The following TRPC7 variants were observed in gnomAD, a reference collection of about 807,000 sequenced individuals.
TRPC7 encodes short transient receptor potential channel 7.
Under a neutral mutation model 90.1 loss-of-function variants are expected in TRPC7, and 42 were observed. That is an observed-to-expected ratio of 0.47 (90% CI 0.36 to 0.60). TRPC7 has a LOEUF of 0.60. Ranked by LOEUF, TRPC7 falls within the 20% of genes least tolerant of loss-of-function variation. The probability of loss-of-function intolerance (pLI) is 0.00; values close to 1 mark genes in which losing one functional copy is unlikely to be tolerated. For missense variants in TRPC7, 955 were observed against 1,112.3 expected, an observed-to-expected ratio of 0.86 and a Z score of 2.01; for synonymous variants, 451 against 436.3, an observed-to-expected ratio of 1.03 and a Z score of -0.42.
chr5:136,274,595 G>T, intron 4 of TRPC7, 78 bp downstream of exon 4: 1 of 1,353,406 alleles, frequency 7.4e-7, no homozygotes, highest in South Asian at 2.3e-5. Context: ...CTGCTAATTT[G>T]AACAAAATGG....
Position 136,226,147 on chromosome 5 carries a change from A to C in TRPC7, c.2149T>G (p.Ser717Ala). The C allele has an allele frequency of 6.3e-7, 1 of 1,577,174 alleles. No individual in the cohort carries two copies. The highest frequency in any genetic ancestry group is 8.6e-7 in the Non-Finnish European group (1 of 1,159,342). ...ATTCTCATTATGAGATAATAAAATG[A>C]TTTAGGACTTGGCACTAGATTAAAA... ...APFNLVPSPK[S>A]FYYLIMRIKM... is the part of the protein sequence containing the mutation. The change falls in exon 9 of 12, where the codon TCA (serine) becomes GCA (alanine). Residue 717 changes from serine (S) to alanine (A), a missense_variant. By Grantham distance (99) the Ser-to-Ala change is moderately conservative. Coordinates refer to ENST00000513104, the MANE Select transcript of TRPC7 (RefSeq NM_020389.3).
intron 10 of TRPC7, among the ~76,000 whole-genome samples, chr5:136,225,012 A>C (rs1025564855): frequency 6.6e-6 from 1 of 152,182 alleles, no homozygotes; most frequent in Non-Finnish European, 1.5e-5. Flanking sequence ...GTTTGAGGGC[A>C]TACACTTATC....
intron 7 of TRPC7, among the ~76,000 whole-genome samples, chr5:136,241,952 G>A (rs556909788): frequency 6.6e-6 from 1 of 152,098 alleles, no homozygotes; most frequent in African/African-American, 2.4e-5. Context: ...CAAGAGTGCT[G>A]GGACCCCAAG....
At chr5:136,362,468 A>C (rs561399408) in intron 1 of TRPC7, among the ~76,000 whole-genome samples, 1 of 152,350 alleles carries the variant, frequency 6.6e-6, no homozygotes, top group Admixed American at 6.5e-5. Flanking sequence ...AGGTAAGTAC[A>C]TAAATCATTA....
intron 3 of TRPC7, among the ~76,000 whole-genome samples, chr5:136,299,320 TTC>T (rs1180586071): frequency 2.2e-5 from 3 of 137,140 alleles, no homozygotes; most frequent in South Asian, 2.3e-4. Flanking sequence ...AAAAAGAAAT[TTC>T]TCTGACTGGG....
chr5:136,345,691 C>T (rs1759984979), intron 2 of TRPC7, among the ~76,000 whole-genome samples: 1 of 152,166 alleles, frequency 6.6e-6, no homozygotes, highest in African/African-American at 2.4e-5. Flanking sequence ...TGTGCTGAAG[C>T]TCTTTAGTTT....
intron 1 of TRPC7, among the ~76,000 whole-genome samples, chr5:136,361,621 A>T (rs910408220): frequency 1.2e-4 from 18 of 152,148 alleles, no homozygotes; most frequent in African/African-American, 4.3e-4. Flanking sequence ...TTTTTTAGAG[A>T]TATTTGTTGT....
chr5:136,240,444 T>C (rs1245575934), intron 7 of TRPC7, among the ~76,000 whole-genome samples: 3 of 152,210 alleles, frequency 2.0e-5, no homozygotes, highest in South Asian at 2.1e-4. Flanking sequence ...GAGTAGTTGC[T>C]CCATACATGT....
intron 5 of TRPC7, among the ~76,000 whole-genome samples, chr5:136,252,839 C>T (rs1349020466): frequency 6.6e-6 from 1 of 152,220 alleles, no homozygotes; most frequent in African/African-American, 2.4e-5. Flanking sequence ...TCCTGCTGTT[C>T]AGCTCGATTC....
chr5:136,345,342 G>A (rs1456960261), intron 2 of TRPC7, among the ~76,000 whole-genome samples: 1 of 152,148 alleles, frequency 6.6e-6, no homozygotes, highest in Non-Finnish European at 1.5e-5. Context: ...GATCACCTGA[G>A]GTCAGGAGTT....
At chr5:136,302,107 TA>T (rs1403942185) in intron 3 of TRPC7, among the ~76,000 whole-genome samples, 1 of 152,228 alleles carries the variant, frequency 6.6e-6, no homozygotes, top group Non-Finnish European at 1.5e-5. Flanking sequence ...CATTTTCTGG[TA>T]GAGACAAAGG....
intron 5 of TRPC7, among the ~76,000 whole-genome samples, chr5:136,253,251 T>C (rs1299426165): frequency 6.6e-6 from 1 of 152,226 alleles, no homozygotes; most frequent in Non-Finnish European, 1.5e-5. Flanking sequence ...GCTTGCCCTG[T>C]ATTTCTATTG....
At chr5:136,313,857 T>A (rs1351438109) in intron 3 of TRPC7, among the ~76,000 whole-genome samples, 1 of 152,202 alleles carries the variant, frequency 6.6e-6, no homozygotes, top group Non-Finnish European at 1.5e-5. Flanking sequence ...TTAATTCTGA[T>A]CCAAACTATC....
At chr5:136,358,171 G>A (rs1311402707) in intron 1 of TRPC7, among the ~76,000 whole-genome samples, 1 of 152,148 alleles carries the variant, frequency 6.6e-6, no homozygotes, top group Non-Finnish European at 1.5e-5. Flanking sequence ...ACTTTCTGAT[G>A]GCCACTGAAG....
chr5:136,295,556 C>G (rs889968691), intron 3 of TRPC7, among the ~76,000 whole-genome samples: 1 of 152,146 alleles, frequency 6.6e-6, no homozygotes, highest in Admixed American at 6.5e-5. Flanking sequence ...CAGTCCCCTC[C>G]CCGTCCACTG....
At chr5:136,252,364 T>G (rs987610345) in intron 5 of TRPC7, among the ~76,000 whole-genome samples, 2 of 152,150 alleles carry the variant, frequency 1.3e-5, no homozygotes, top group Non-Finnish European at 2.9e-5. Flanking sequence ...TTTGTTTTGT[T>G]TTGTTTTGTT....
At chr5:136,224,564 C>T (rs1187495634) in intron 10 of TRPC7, among the ~76,000 whole-genome samples, 1 of 152,200 alleles carries the variant, frequency 6.6e-6, no homozygotes, top group Non-Finnish European at 1.5e-5. Flanking sequence ...CTCTATCACC[C>T]TGCTCGTACC....
At chr5:136,236,699 C>G (rs1347076934) in intron 7 of TRPC7, among the ~76,000 whole-genome samples, 2 of 152,116 alleles carry the variant, frequency 1.3e-5, no homozygotes, top group East Asian at 3.9e-4. Flanking sequence ...GATAACAGGA[C>G]TTTAATAACA....
chr5:136,283,399 C>T (rs999429494), intron 3 of TRPC7, among the ~76,000 whole-genome samples: 1 of 152,190 alleles, frequency 6.6e-6, no homozygotes, highest in South Asian at 2.1e-4. Flanking sequence ...AAAGGGCAGT[C>T]CCCCAGCAGA....
Sources: gnomAD v4.1 joint callset for allele counts (sites outside exome capture counted in the v4.1 genomes callset) on GRCh38, gnomAD v4.1.1 for gene constraint, MANE v1.5 for transcripts, NCBI Gene and HGNC (gene_info 2026-07-23, HGNC 2026-07-21) for gene names.